The following PCDHAC1 variants were observed in gnomAD, a reference collection of about 807,000 sequenced individuals.
PCDHAC1 encodes protocadherin alpha-C1.
A neutral mutation model predicts 60.0 loss-of-function variants in PCDHAC1; 42 were observed. The observed-to-expected ratio is 0.70, with a 90% CI of 0.55 to 0.90. The LOEUF is 0.90. Among genes scored for constraint, PCDHAC1 ranks in the 40% least tolerant of loss-of-function variants. The probability of loss-of-function intolerance (pLI) is 0.00; values close to 1 mark genes in which losing one functional copy is unlikely to be tolerated. For synonymous variants in PCDHAC1, 468 were observed against 499.3 expected (o/e 0.94, Z 0.84); for missense variants, 1,160 against 1,222.3 (o/e 0.95, Z 0.76).
chr5:140,966,318 C>A, intron 1 of PCDHAC1: 1 of 389,680 alleles, frequency 2.6e-6, no homozygotes, highest in African/African-American at 2.1e-5. Context: ...TCCTGCGGTC[C>A]GCTGGGATCC....
At chr5:140,999,419 G>A (rs2097856786) in intron 3 of PCDHAC1, among the ~76,000 whole-genome samples, 1 of 152,182 alleles carries the variant, frequency 6.6e-6, no homozygotes, top group Non-Finnish European at 1.5e-5. Flanking sequence ...TGGGAGCTAA[G>A]AGGCCAAGTA....
At chr5:140,967,141 G>T in intron 1 of PCDHAC1, 2 of 1,611,258 alleles carry the variant, frequency 1.2e-6, no homozygotes, top group South Asian at 1.1e-5. Flanking sequence ...AAGTGCTGGC[G>T]CACAACCCCG....
rs146587864 is a variant in PCDHAC1 at position 140,950,030 on chromosome 5, A to G, written c.2433+20705A>G. Among the ~76,000 whole-genome samples the G allele has an allele frequency of 2.6e-4, 39 of 152,064 alleles. 1 individual carries two copies. The East Asian group carries it at 4.8e-3, about 19-fold the overall frequency. On this transcript the variant is annotated intron_variant, in intron 1 of 3. Transcript: ENST00000253807. ...TGTACAACCTTCATAAAATATAGAA[A>G]AGTTACAACCATATAAGACTATTTA...
chr5:140,979,186 C>T, intron 2 of PCDHAC1, 179 bp downstream of exon 2: 2 of 914,118 alleles, frequency 2.2e-6, no homozygotes, highest in Non-Finnish European at 2.6e-6. Context: ...ATGGTCAGTG[C>T]CAGATGCTTA....
chr5:140,949,050 T>C lies in PCDHAC1; in HGVS notation c.2433+19725T>C, dbSNP rs561017467. 5.3e-5 allele frequency among the ~76,000 whole-genome samples: 8 copies of C among 151,896 alleles called. No homozygotes were observed. The East Asian group carries it at 1.5e-3, about 29-fold the overall frequency. On this transcript the variant is annotated intron_variant, in intron 1 of 3. Coordinates refer to ENST00000253807, the MANE Select transcript of PCDHAC1 (RefSeq NM_018898.5). ...TATTCATTTAAAAGTATGTTCTAAT[T>C]TCCATTATGATTTAACTCTTTCACC...
chr5:140,990,280 G>C (rs1224210562), intron 3 of PCDHAC1, among the ~76,000 whole-genome samples: 1 of 152,264 alleles, frequency 6.6e-6, no homozygotes, highest in African/African-American at 2.4e-5. Context: ...CCCGGGTCTT[G>C]AGATTATCGA....
chr5:140,980,877 C>T (rs1321284538), intron 2 of PCDHAC1, among the ~76,000 whole-genome samples: 9 of 152,186 alleles, frequency 5.9e-5, no homozygotes, highest in African/African-American at 1.7e-4. Flanking sequence ...TGGGTGTTCT[C>T]GGTCTTTCCA....
chr5:140,966,113 A>T (rs1224729629), intron 1 of PCDHAC1: 1 of 155,768 alleles, frequency 6.4e-6, no homozygotes, highest in African/African-American at 2.4e-5. Flanking sequence ...GGGTGCCCAT[A>T]CTTAGCTAAG....
chr5:140,985,739 C>CTTTTT (rs11372071), intron 3 of PCDHAC1, among the ~76,000 whole-genome samples: 4 of 117,922 alleles, frequency 3.4e-5, no homozygotes, highest in East Asian at 2.5e-4. Flanking sequence ...TGATGAATTC[C>CTTTTT]TTTTTTTTTT....
chr5:140,972,244 A>G (rs2096526797), intron 1 of PCDHAC1, among the ~76,000 whole-genome samples: 1 of 151,646 alleles, frequency 6.6e-6, no homozygotes, highest in African/African-American at 2.4e-5. Context: ...GGCTCAAGCA[A>G]TCCTCACACA....
intron 1 of PCDHAC1, among the ~76,000 whole-genome samples, chr5:140,950,382 A>G (rs1424724989): frequency 3.3e-5 from 5 of 151,950 alleles, no homozygotes; most frequent in African/African-American, 7.2e-5. Context: ...CTTCCATTTG[A>G]ATGATATAGA....
Position 140,927,513 on chromosome 5 carries a change from C to G in PCDHAC1, c.621C>G (p.Asp207Glu). ...ACCTGCTGGTGCTTACAGCTCGGGA[C>G]GGCGGGCTACCTGCCCGCTCAGGAG... ...ATHLLVLTAR[D>E]GGLPARSGDA... The change falls in exon 1 of 4, where the codon GAC (aspartate) becomes GAG (glutamate). Residue 207 changes from aspartate (D) to glutamate (E), a missense_variant. Transcript: ENST00000253807. 1 of 1,614,062 alleles carries G rather than the reference C, an allele frequency of 6.2e-7. No individual in the cohort carries two copies. Among genetic ancestry groups the G allele is most frequent in the Non-Finnish European group, 8.5e-7 (1 of 1,180,032 alleles).
At chr5:141,008,686 A>G (rs1419778370) in intron 3 of PCDHAC1, among the ~76,000 whole-genome samples, 1 of 152,174 alleles carries the variant, frequency 6.6e-6, no homozygotes, top group Non-Finnish European at 1.5e-5. Flanking sequence ...TAGTTATTGC[A>G]TGTATTAAGT....
chr5:140,961,672 A>T (rs1463428757), intron 1 of PCDHAC1, among the ~76,000 whole-genome samples: 2 of 152,182 alleles, frequency 1.3e-5, no homozygotes, highest in East Asian at 3.8e-4. Flanking sequence ...ACCAGTTTTT[A>T]ATTAAGCCGG....
At chr5:140,987,997 T>C (rs2097277277) in intron 3 of PCDHAC1, among the ~76,000 whole-genome samples, 1 of 152,212 alleles carries the variant, frequency 6.6e-6, no homozygotes, top group African/African-American at 2.4e-5. Flanking sequence ...TCTCTGATCC[T>C]TCCCCAGAAA....
chr5:140,997,046 T>C (rs2097756944), intron 3 of PCDHAC1, among the ~76,000 whole-genome samples: 1 of 152,176 alleles, frequency 6.6e-6, no homozygotes, highest in Admixed American at 6.5e-5. Flanking sequence ...AACTTTACTT[T>C]TTAGAGCAGT....
chr5:141,000,593 A>G (rs1021263998), intron 3 of PCDHAC1, among the ~76,000 whole-genome samples: 3 of 150,498 alleles, frequency 2.0e-5, no homozygotes, highest in African/African-American at 4.9e-5. Flanking sequence ...ATGCCCAGCT[A>G]ATTTTTGTAT....
At chr5:140,969,963 AT>A (rs2096372822) in intron 1 of PCDHAC1, among the ~76,000 whole-genome samples, 1 of 152,204 alleles carries the variant, frequency 6.6e-6, no homozygotes. Context: ...CTTTGGCTGT[AT>A]GATGTGGCAA....
In PCDHAC1 at chr5:140,926,650, T is replaced by G. The variant is rs1014447499; in HGVS notation, c.-243T>G. The G allele has an allele frequency of 2.7e-5, 13 of 487,778 alleles. No individual in the cohort carries two copies. Among genetic ancestry groups the G allele is most frequent in the Middle Eastern group, 5.5e-4 (1 of 1,826 alleles). The allele number at this position is 487,778 out of a possible 1,614,324, so 30.2% of individuals were successfully genotyped here. On this transcript the variant is annotated 5_prime_UTR_variant, in exon 1 of 4. Transcript: ENST00000253807. The stretch of plus-strand genomic sequence containing the variant: ...CTGCGCTCCTCAACACCCGGCCGGC[T>G]CCGCTTTCCCAGACGGCTGCCCAGC...
Sources: gnomAD v4.1 joint callset for allele counts (sites outside exome capture counted in the v4.1 genomes callset) on GRCh38, gnomAD v4.1.1 for gene constraint, MANE v1.5 for transcripts, NCBI Gene and HGNC (gene_info 2026-07-23, HGNC 2026-07-21) for gene names.